RBPJ: variants seen among roughly 807,000 people sequenced by gnomAD.
RBPJ encodes the protein recombination signal binding protein for immunoglobulin kappa J region.
In RBPJ, 9 loss-of-function variants were observed where a neutral mutation model predicts 67.8. That is an observed-to-expected ratio of 0.13 (90% CI 0.08 to 0.23). The LOEUF (loss-of-function observed/expected upper bound fraction) is 0.23. Ranked by LOEUF, RBPJ falls within the 10% of genes least tolerant of loss-of-function variation. The probability of loss-of-function intolerance (pLI) is 1.00; values close to 1 mark genes in which losing one functional copy is unlikely to be tolerated. For missense variants in RBPJ, 305 were observed against 595.6 expected, an observed-to-expected ratio of 0.51 and a Z score of 5.08; for synonymous variants, 198 against 203.3, an observed-to-expected ratio of 0.97 and a Z score of 0.22.
At chr4:26,331,565 A>C (rs1174208994) in intron 1 of RBPJ, among the ~76,000 whole-genome samples, 2 of 152,142 alleles carry the variant, frequency 1.3e-5, no homozygotes, top group Admixed American at 6.5e-5. Flanking sequence ...GCTTCATTAA[A>C]TGGTCAGCTC....
At chr4:26,179,320 C>T (rs536818382) in intron 1 of RBPJ, among the ~76,000 whole-genome samples, 4 of 150,652 alleles carry the variant, frequency 2.7e-5, no homozygotes, top group East Asian at 2.0e-4. Context: ...AAAGCTCCCC[C>T]AGAAAGAACC....
In RBPJ at chr4:26,426,543, G is replaced by A. The variant is rs889227829; in HGVS notation, c.747+1800G>A. ...CATGACAGGAATTCTGACATGCAAA[G>A]TCGAGTGCCTCTCGTCATTGAGTTT... On this transcript the variant is annotated intron_variant, in intron 7 of 10. Transcript: ENST00000355476. 5.3e-5 allele frequency among the ~76,000 whole-genome samples: 8 copies of A among 152,336 alleles called. No homozygotes were observed. In the South Asian group the frequency reaches 8.3e-4, roughly 16 times the overall value.
intron 1 of RBPJ, among the ~76,000 whole-genome samples, chr4:26,365,285 T>C (rs532173467): frequency 6.6e-6 from 1 of 152,226 alleles, no homozygotes; most frequent in African/African-American, 2.4e-5. Context: ...AAATAAGCCA[T>C]CACTATTTGA....
chr4:26,143,148 C>T, the RBPJ span, among the ~76,000 whole-genome samples: 2 of 152,184 alleles, frequency 1.3e-5, no homozygotes, highest in African/African-American at 4.8e-5. Flanking sequence ...TAAGGAGAAG[C>T]CAGCATAGAT....
At chr4:26,390,321 T>A (rs2109657562) in intron 2 of RBPJ, among the ~76,000 whole-genome samples, 1 of 152,284 alleles carries the variant, frequency 6.6e-6, no homozygotes, top group South Asian at 2.1e-4. Context: ...ACACTGGATG[T>A]TTTTCCTCTA....
At chr4:26,299,555 G>C (rs4692453) in intron 1 of RBPJ, among the ~76,000 whole-genome samples, 97,255 of 151,640 alleles carry the variant, frequency 0.64, 31,587 homozygotes, top group African/African-American at 0.75. Flanking sequence ...GTGGGAGAAA[G>C]AAAGGAAAAA....
At chr4:26,179,203 T>A (rs1283519576) in intron 1 of RBPJ, among the ~76,000 whole-genome samples, 1 of 151,766 alleles carries the variant, frequency 6.6e-6, no homozygotes, top group African/African-American at 2.4e-5. Flanking sequence ...CAGTGTTAGA[T>A]GTTTTGAAAG....
chr4:26,417,220 C>T (rs868564732), intron 4 of RBPJ, among the ~76,000 whole-genome samples: 6 of 152,178 alleles, frequency 3.9e-5, no homozygotes, highest in African/African-American at 1.4e-4. Flanking sequence ...TACTTCATTG[C>T]TCATTTTAAC....
At chr4:26,313,463 C>G (rs563026796) in intron 1 of RBPJ, among the ~76,000 whole-genome samples, 3 of 151,864 alleles carry the variant, frequency 2.0e-5, no homozygotes. Flanking sequence ...GTCAGGAGAT[C>G]GAGACCATTC....
chr4:26,298,515 T>C (rs1721960894), intron 1 of RBPJ, among the ~76,000 whole-genome samples: 1 of 152,198 alleles, frequency 6.6e-6, no homozygotes, highest in African/African-American at 2.4e-5. Flanking sequence ...TGGGCAAAGT[T>C]AAATTAGTTG....
chr4:26,123,524 TCAA>T, the RBPJ span, among the ~76,000 whole-genome samples: 2 of 152,126 alleles, frequency 1.3e-5, no homozygotes, highest in Non-Finnish European at 2.9e-5. Flanking sequence ...TTTTCTTTCT[TCAA>T]CAATATATTA....
At chr4:26,150,572 T>C in the RBPJ span, among the ~76,000 whole-genome samples, 2 of 152,214 alleles carry the variant, frequency 1.3e-5, no homozygotes, top group Non-Finnish European at 2.9e-5. Context: ...CGGAAGCTAC[T>C]CAACCTCTCT....
rs76886971 is a variant in RBPJ at position 26,195,493 on chromosome 4, G to C, written c.-167+31879G>C. Among the ~76,000 whole-genome samples, 321 of 152,292 alleles carry C rather than the reference G, an allele frequency of 2.1e-3. 3 individuals carry two copies. The highest frequency in any genetic ancestry group is 7.3e-3 in the African/African-American group (305 of 41,562). ...TAATGATAAGTTTTAAAGCTAAAATGATCCATGGTGGTCAGCTGCTTTACT... is the reference window on the plus strand; with the variant it reads ...TAATGATAAGTTTTAAAGCTAAAATCATCCATGGTGGTCAGCTGCTTTACT... On this transcript the variant is annotated intron_variant, in intron 1 of 4. Coordinates refer to the RBPJ transcript ENST00000512351.
chr4:26,278,699 AAC>A (rs1425260066), intron 1 of RBPJ, among the ~76,000 whole-genome samples: 1 of 152,226 alleles, frequency 6.6e-6, no homozygotes, highest in Non-Finnish European at 1.5e-5. Context: ...CTACTGAAAT[AAC>A]ACTCAAAAAT....
chr4:26,420,953 A>T, intron 5 of RBPJ: 1 of 441,476 alleles, frequency 2.3e-6, no homozygotes, highest in Non-Finnish European at 4.0e-6. Context: ...CATTCTGGGG[A>T]AATGGGAGAT....
At chr4:26,282,134 CTCTTTTTTTTTT>C (rs796698385) in intron 1 of RBPJ, among the ~76,000 whole-genome samples, 7 of 126,608 alleles carry the variant, frequency 5.5e-5, no homozygotes, top group African/African-American at 2.3e-4. Flanking sequence ...CTCTCTCTCT[CTCTTTTTTTTTT>C]TTTTTTTTTT....
intron 1 of RBPJ, among the ~76,000 whole-genome samples, chr4:26,339,285 C>T (rs1560277259): frequency 6.6e-6 from 1 of 152,088 alleles, no homozygotes; most frequent in Non-Finnish European, 1.5e-5. Context: ...GAAACTTAAC[C>T]AAGTTTACCT....
intron 1 of RBPJ, among the ~76,000 whole-genome samples, chr4:26,269,240 T>TTATA (rs1720801148): frequency 7.6e-6 from 1 of 131,726 alleles, no homozygotes; most frequent in Non-Finnish European, 1.6e-5. Flanking sequence ...TTATTTTTTA[T>TTATA]TATTTATTTA....
intron 1 of RBPJ, among the ~76,000 whole-genome samples, chr4:26,180,891 G>A (rs1716960446): frequency 6.6e-6 from 1 of 152,174 alleles, no homozygotes; most frequent in South Asian, 2.1e-4. Context: ...ATTTACATGG[G>A]TCAGGAATGC....
Sources: allele counts gnomAD v4.1 joint callset (sites outside exome capture counted in the v4.1 genomes callset), GRCh38; gene constraint gnomAD v4.1.1; transcripts MANE v1.5; gene names NCBI Gene and HGNC (gene_info 2026-07-23, HGNC 2026-07-21).